CYSLTR1: variants seen among roughly 807,000 people sequenced by gnomAD.
CYSLTR1 encodes the protein cysteinyl leukotriene receptor 1.
A neutral mutation model predicts 2.1 loss-of-function variants in CYSLTR1; 1 was observed. That is an observed-to-expected ratio of 0.48 (90% CI 0.17 to 2.28). CYSLTR1 has a LOEUF of 2.28. Ranked by LOEUF, CYSLTR1 falls within the 30% of genes most tolerant of loss-of-function variation. CYSLTR1 has a pLI of 0.26. For missense variants in CYSLTR1, 299 were observed against 250.1 expected, an observed-to-expected ratio of 1.20 and a Z score of -1.32; for synonymous variants, 110 against 89.6, an observed-to-expected ratio of 1.23 and a Z score of -1.28.
intron 1 of CYSLTR1, among the ~76,000 whole-genome samples, chrX:78,310,740 A>G (rs1430331085): frequency 8.9e-6 from 1 of 111,841 alleles, no homozygotes; most frequent in Non-Finnish European, 1.9e-5. Context: ...GGGGAAGAGT[A>G]TCCTAGGTAG....
chrX:78,294,646 C>G (rs1922499522), intron 1 of CYSLTR1, among the ~76,000 whole-genome samples: 1 of 112,766 alleles, frequency 8.9e-6, no homozygotes, highest in African/African-American at 3.2e-5. Flanking sequence ...CCAGTTCGAG[C>G]TTCCCAGCTG....
chrX:78,317,246 C>G (rs1603412252), intron 1 of CYSLTR1, among the ~76,000 whole-genome samples: 1 of 112,430 alleles, frequency 8.9e-6, no homozygotes, highest in East Asian at 2.8e-4. Context: ...CTCAACATCA[C>G]TAATTATCTG....
chrX:78,272,670 G>A lies in CYSLTR1; in HGVS notation c.*63C>T, dbSNP rs903669793. On this transcript the variant is annotated 3_prime_UTR_variant, in exon 3 of 3. Transcript: ENST00000373304. ...TAAAATTTTTATTTTTTTTGTAAAT[G>A]ATTTGACAAAATACTTATTTGGGAA... is the stretch of plus-strand genomic sequence containing the variant. 8.8e-6 allele frequency: 9 copies of A among 1,022,621 alleles called. No homozygotes were observed. Among genetic ancestry groups the A allele is most frequent in the Admixed American group, 3.5e-5 (1 of 28,565 alleles). 84.3% of individuals were successfully genotyped at this position (1,022,621 alleles called of 1,213,427 possible).
At chrX:78,319,397 G>A (rs1443060956) in intron 1 of CYSLTR1, 1 of 108,625 alleles carries the variant, frequency 9.2e-6, no homozygotes, top group Non-Finnish European at 1.9e-5. Flanking sequence ...AGTTTGCTGA[G>A]AATGATGGTT....
intron 1 of CYSLTR1, among the ~76,000 whole-genome samples, chrX:78,290,540 C>G (rs1280773658): frequency 2.7e-5 from 3 of 110,035 alleles, no homozygotes; most frequent in Non-Finnish European, 5.8e-5. Flanking sequence ...TTGAAATTAT[C>G]TCAGGCAGTA....
chrX:78,307,493 C>T (rs1040350065), intron 1 of CYSLTR1, among the ~76,000 whole-genome samples: 5 of 111,751 alleles, frequency 4.5e-5, no homozygotes, highest in Non-Finnish European at 7.5e-5. Context: ...GTCTAGACCT[C>T]CTATTAAAGG....
chrX:78,305,542 G>A (rs918990318), intron 1 of CYSLTR1, among the ~76,000 whole-genome samples: 4 of 110,578 alleles, frequency 3.6e-5, no homozygotes, highest in African/African-American at 6.6e-5. Flanking sequence ...TTTCTAGATT[G>A]GATAAATAGC....
intron 1 of CYSLTR1, among the ~76,000 whole-genome samples, chrX:78,288,489 C>T (rs181977486): frequency 2.7e-5 from 3 of 109,472 alleles, no homozygotes; most frequent in East Asian, 2.9e-4. Context: ...TTGTCTGTAC[C>T]TTTCTTGATA....
intron 1 of CYSLTR1, among the ~76,000 whole-genome samples, chrX:78,288,963 C>CTT (rs34808625): frequency 2.0e-3 from 205 of 100,303 alleles, no homozygotes; most frequent in South Asian, 3.2e-3. Context: ...TGCAATGTTT[C>CTT]TTTTTTTTTT....
chrX:78,325,934 T>C (rs1433236363), intron 1 of CYSLTR1, among the ~76,000 whole-genome samples: 1 of 111,336 alleles, frequency 9.0e-6, no homozygotes, highest in Non-Finnish European at 1.9e-5. Context: ...TAAGGGGAGG[T>C]AGTAGAAAAT....
intron 1 of CYSLTR1, among the ~76,000 whole-genome samples, chrX:78,324,211 G>T (rs1171080151): frequency 8.9e-6 from 1 of 111,998 alleles, no homozygotes; most frequent in Non-Finnish European, 1.9e-5. Context: ...GGGTGTTTTA[G>T]CACCTTGATT....
intron 1 of CYSLTR1, among the ~76,000 whole-genome samples, chrX:78,292,925 T>C (rs749765585): frequency 1.9e-4 from 21 of 110,939 alleles, no homozygotes; most frequent in Admixed American, 6.7e-4. Context: ...CTTGACTGTT[T>C]ATCCAATTTG....
chrX:78,302,698 T>A (rs186599532), intron 1 of CYSLTR1, among the ~76,000 whole-genome samples: 1 of 110,929 alleles, frequency 9.0e-6, no homozygotes, highest in African/African-American at 3.3e-5. Context: ...GCCCAGGGTG[T>A]ATCTAGAAAT....
At chrX:78,317,762 T>C (rs1923474750) in intron 1 of CYSLTR1, among the ~76,000 whole-genome samples, 1 of 111,944 alleles carries the variant, frequency 8.9e-6, no homozygotes, top group Non-Finnish European at 1.9e-5. Context: ...CTCCCTTATA[T>C]GTGGGAGCTA....
At chrX:78,316,920 G>C (rs1004317390) in intron 1 of CYSLTR1, among the ~76,000 whole-genome samples, 1 of 111,565 alleles carries the variant, frequency 9.0e-6, no homozygotes, top group Admixed American at 9.5e-5. Context: ...CTAGATGTCG[G>C]CTAAGGCAGA....
At chrX:78,298,399 T>C (rs754335709) in intron 1 of CYSLTR1, among the ~76,000 whole-genome samples, 5 of 111,618 alleles carry the variant, frequency 4.5e-5, no homozygotes, top group Non-Finnish European at 7.6e-5. Flanking sequence ...TTTTAGTGTG[T>C]AGTGCAGATT....
At chrX:78,279,561 G>C (rs367688390) in intron 2 of CYSLTR1, among the ~76,000 whole-genome samples, 30 of 112,332 alleles carry the variant, frequency 2.7e-4, no homozygotes, top group African/African-American at 9.0e-4. Flanking sequence ...ACATAAAACA[G>C]AACTACCATT....
At position 78,307,680 on chromosome X, in the gene CYSLTR1, T is replaced by C. The variant is rs1163222027; in HGVS notation, c.-115+19625A>G. On this transcript the variant is annotated intron_variant, in intron 1 of 2. Transcript: ENST00000373304. ...GGACAAGAATACTTGGGGTCATCTT[T>C]GAATTTTGCCTACCAAAGAGTGAAT... 2.7e-5 allele frequency among the ~76,000 whole-genome samples: 3 copies of C among 111,589 alleles called. No homozygotes were observed. In the Admixed American group the frequency reaches 2.9e-4, roughly 11 times the overall value.
At chrX:78,293,335 G>A (rs1922436192) in intron 1 of CYSLTR1, among the ~76,000 whole-genome samples, 2 of 111,737 alleles carry the variant, frequency 1.8e-5, no homozygotes, top group South Asian at 7.5e-4. Flanking sequence ...TAAAGTTTCT[G>A]CTGAGAGATC....
Sources: allele counts gnomAD v4.1 joint callset (sites outside exome capture counted in the v4.1 genomes callset), GRCh38; gene constraint gnomAD v4.1.1; transcripts MANE v1.5; gene names NCBI Gene and HGNC (gene_info 2026-07-23, HGNC 2026-07-21).